CDH13: variants seen among roughly 807,000 people sequenced by gnomAD.
CDH13 encodes the protein cadherin-13.
CDH13 carries 24 observed loss-of-function variants against 63.8 expected under a neutral mutation model. The ratio of observed to expected loss-of-function variants is 0.38; its 90% confidence interval spans 0.27 to 0.53. The LOEUF is 0.53. CDH13 is among the 20% of genes least tolerant of loss of function. The probability of loss-of-function intolerance (pLI) is 0.85; values close to 1 mark genes in which losing one functional copy is unlikely to be tolerated. For synonymous variants in CDH13, 503 were observed against 355.3 expected (o/e 1.42, Z -4.67); for missense variants, 1,049 against 903.1 (o/e 1.16, Z -2.07).
rs1411794629 is a variant in CDH13 at position 83,798,708 on chromosome 16, C to T, written c.*3678C>T. 6.6e-6 allele frequency: 1 copy of T among 152,134 alleles called. No individual in the cohort carries two copies. The highest frequency in any genetic ancestry group is 2.4e-5 in the African/African-American group (1 of 41,398). The allele number at this position is 152,134 out of a possible 1,614,324, so 9.4% of individuals were successfully genotyped here. Reference sequence around the variant, plus strand: ...CAGACCGGAAGACCCTCGTTTGAAGCCTCCATTAGCGTGACTATGCAGCTA... The same window carrying T: ...CAGACCGGAAGACCCTCGTTTGAAGTCTCCATTAGCGTGACTATGCAGCTA... On this transcript the variant is annotated 3_prime_UTR_variant, in exon 14 of 14. Transcript: ENST00000567109.
At chr16:82,697,423 CTTTTTT>C (rs34376129) in intron 1 of CDH13, among the ~76,000 whole-genome samples, 12 of 54,882 alleles carry the variant, frequency 2.2e-4, no homozygotes, top group Admixed American at 1.3e-3. Flanking sequence ...TTTCTTTTTT[CTTTTTT>C]TTTTTTTTTT....
At chr16:83,271,450 A>AAAAAAAAAAAAAAAAAAG (rs2088810035) in intron 5 of CDH13, among the ~76,000 whole-genome samples, 1 of 137,116 alleles carries the variant, frequency 7.3e-6, no homozygotes, top group Non-Finnish European at 1.5e-5. Flanking sequence ...AAAAAAAAAA[A>AAAAAAAAAAAAAAAAAAG]AATTCATGGT....
At chr16:82,963,936 A>G (rs1907422063) in intron 2 of CDH13, among the ~76,000 whole-genome samples, 1 of 152,220 alleles carries the variant, frequency 6.6e-6, no homozygotes, top group Non-Finnish European at 1.5e-5. Flanking sequence ...TGGACTCAGC[A>G]GTGCAACATC....
chr16:83,190,697 C>T (rs1205338642), intron 4 of CDH13, among the ~76,000 whole-genome samples: 2 of 152,136 alleles, frequency 1.3e-5, no homozygotes, highest in African/African-American at 2.4e-5. Context: ...AATACTCTGT[C>T]TCTTGAATTG....
chr16:83,480,287 A>C (rs2073728052), intron 6 of CDH13, among the ~76,000 whole-genome samples: 1 of 152,154 alleles, frequency 6.6e-6, no homozygotes, highest in South Asian at 2.1e-4. Flanking sequence ...CTGCGCTCCA[A>C]CCTAGGTGAC....
chr16:83,648,276 T>C (rs576056882), intron 8 of CDH13, among the ~76,000 whole-genome samples: 7 of 152,234 alleles, frequency 4.6e-5, no homozygotes, highest in African/African-American at 1.4e-4. Flanking sequence ...AGCCAGTGGG[T>C]GGTCTCGAGG....
intron 4 of CDH13, among the ~76,000 whole-genome samples, chr16:83,199,733 A>G (rs2038971284): frequency 6.6e-6 from 1 of 152,152 alleles, no homozygotes; most frequent in Non-Finnish European, 1.5e-5. Context: ...TGTGCCTGCC[A>G]CGGTACAATG....
chr16:83,165,468 G>C (rs1057422886), intron 4 of CDH13, among the ~76,000 whole-genome samples: 7 of 152,074 alleles, frequency 4.6e-5, no homozygotes, highest in Non-Finnish European at 4.4e-5. Context: ...CTACTGAAAG[G>C]CACTCAGCAT....
At chr16:82,882,049 A>T (rs2040721815) in intron 2 of CDH13, among the ~76,000 whole-genome samples, 1 of 152,110 alleles carries the variant, frequency 6.6e-6, no homozygotes, top group South Asian at 2.1e-4. Flanking sequence ...TGTTTTTATT[A>T]ATTTAGGTAT....
chr16:82,861,247 A>T (rs891971172), intron 2 of CDH13, among the ~76,000 whole-genome samples: 2 of 152,220 alleles, frequency 1.3e-5, no homozygotes, highest in South Asian at 2.1e-4. Flanking sequence ...CTTGTGCCCT[A>T]CTCATGACAT....
At chr16:83,013,277 T>A (rs1914344427) in intron 2 of CDH13, among the ~76,000 whole-genome samples, 1 of 152,200 alleles carries the variant, frequency 6.6e-6, no homozygotes, top group Admixed American at 6.5e-5. Context: ...AAAACAGTAG[T>A]GGGCCGGATT....
At chr16:82,809,354 G>A (rs1050101026) in intron 1 of CDH13, among the ~76,000 whole-genome samples, 2 of 151,686 alleles carry the variant, frequency 1.3e-5, no homozygotes, top group African/African-American at 4.8e-5. Context: ...GAGTAGTTTA[G>A]CCTTGCCCTG....
chr16:83,370,933 A>G (rs1049230206), intron 6 of CDH13, among the ~76,000 whole-genome samples: 1 of 152,228 alleles, frequency 6.6e-6, no homozygotes, highest in Admixed American at 6.5e-5. Context: ...CAGTGAAAAA[A>G]TGCTCAACAT....
chr16:83,666,987 C>CTGGATGGATGGA (rs35753725), intron 8 of CDH13, among the ~76,000 whole-genome samples: 4 of 144,462 alleles, frequency 2.8e-5, no homozygotes, highest in African/African-American at 1.0e-4. Context: ...TGGTGTAACC[C>CTGGATGGATGGA]TGGATGGATG....
chr16:83,772,285 G>A (rs17700757), intron 11 of CDH13, among the ~76,000 whole-genome samples: 39,461 of 152,058 alleles, frequency 0.26, 5,302 homozygotes, highest in Non-Finnish European at 0.3. Context: ...ATATGAGGAA[G>A]GCCCAAGTCT....
chr16:82,859,068 CTTTTTGT>C (rs1462115264), intron 2 of CDH13: 1 of 152,362 alleles, frequency 6.6e-6, no homozygotes, highest in African/African-American at 2.4e-5. Context: ...GTGATGATCT[CTTTTTGT>C]TTTTAATGTC....
At chr16:83,587,308 G>A (rs745368620) in intron 7 of CDH13, among the ~76,000 whole-genome samples, 24 of 152,198 alleles carry the variant, frequency 1.6e-4, no homozygotes, top group Admixed American at 6.5e-5. Context: ...TAGTGGGCAG[G>A]GACCATTAAC....
chr16:83,112,232 G>A (rs989448919), intron 3 of CDH13, among the ~76,000 whole-genome samples: 1 of 152,110 alleles, frequency 6.6e-6, no homozygotes, highest in African/African-American at 2.4e-5. Context: ...TATCAGTTAG[G>A]GCAGGCTAAT....
intron 6 of CDH13, among the ~76,000 whole-genome samples, chr16:83,422,333 G>T (rs553714727): frequency 1.3e-5 from 2 of 152,164 alleles, no homozygotes; most frequent in African/African-American, 4.8e-5. Flanking sequence ...TTAAGAACCA[G>T]AACTGTTTCC....
Sources: allele counts gnomAD v4.1 joint callset (sites outside exome capture counted in the v4.1 genomes callset), GRCh38; gene constraint gnomAD v4.1.1; transcripts MANE v1.5; gene names NCBI Gene and HGNC (gene_info 2026-07-23, HGNC 2026-07-21).